PDE4B: variants seen among roughly 807,000 people sequenced by gnomAD.
PDE4B encodes the protein 3',5'-cyclic-AMP phosphodiesterase 4B.
Under a neutral mutation model 82.2 loss-of-function variants are expected in PDE4B, and 20 were observed. The observed-to-expected ratio is 0.24, with a 90% CI of 0.17 to 0.35. PDE4B has a LOEUF of 0.35. Ranked by LOEUF, PDE4B falls within the 10% of genes least tolerant of loss-of-function variation. The pLI is 1.00. For missense variants in PDE4B, 655 were observed against 907.2 expected (o/e 0.72, Z 3.57); for synonymous variants, 320 against 318.9 (o/e 1.00, Z -0.04).
In PDE4B at chr1:66,016,083, A is replaced by T. The variant is rs138994943; in HGVS notation, c.281+97248A>T. On this transcript the variant is annotated intron_variant, in intron 3 of 16. Coordinates refer to ENST00000341517, the MANE Select transcript of PDE4B (RefSeq NM_002600.4). The stretch of plus-strand genomic sequence containing the variant: ...TAATTATTGACTATGTGACCTTGGG[A>T]AAGTTATTAAACCTCTCTGTGTCTG... Among the ~76,000 whole-genome samples the T allele has an allele frequency of 1.5e-3, 227 of 152,268 alleles. 1 individual carries two copies. The highest frequency in any genetic ancestry group is 4.5e-3 in the African/African-American group (189 of 41,570).
At chr1:66,081,226 A>G (rs564316100) in intron 3 of PDE4B, among the ~76,000 whole-genome samples, 1 of 152,208 alleles carries the variant, frequency 6.6e-6, no homozygotes, top group African/African-American at 2.4e-5. Flanking sequence ...GGCATCTAAC[A>G]TTGGCATCAA....
intron 6 of PDE4B, among the ~76,000 whole-genome samples, chr1:66,260,265 A>G (rs1383412076): frequency 6.6e-6 from 1 of 152,248 alleles, no homozygotes; most frequent in Non-Finnish European, 1.5e-5. Flanking sequence ...CCAGTGGGCA[A>G]CAGAGTTTTC....
chr1:65,887,414 G>GTTTTTTTTTTTTT lies in PDE4B; in HGVS notation c.-70-25819_-70-25807dup, dbSNP rs34263724. ...TTTTCTTTCTTTTTCTTTTTCTTCT[G>GTTTTTTTTTTTTT]TTTTTTTTTTTTTTTTTTTTTTTTA... On this transcript the variant is annotated intron_variant, in intron 1 of 16. Transcript: ENST00000341517. Among the ~76,000 whole-genome samples, 55 of 7,734 alleles carry GTTTTTTTTTTTTT rather than the reference G, an allele frequency of 7.1e-3. 16 individuals carry two copies. The highest frequency in any genetic ancestry group is 0.012 in the Admixed American group (6 of 514). 5.1% of individuals were successfully genotyped at this position (7,734 alleles called of 152,430 possible). A position where few individuals can be genotyped will look rare whatever the true frequency, so the allele number is the denominator to read the frequency against.
chr1:65,884,364 G>C (rs377337237), intron 1 of PDE4B, among the ~76,000 whole-genome samples: 61 of 152,006 alleles, frequency 4.0e-4, no homozygotes, highest in Non-Finnish European at 7.8e-4. Context: ...AGGGATTCAA[G>C]TTCTTCCTGG....
intron 3 of PDE4B, among the ~76,000 whole-genome samples, chr1:66,093,387 A>G (rs900290056): frequency 6.6e-6 from 1 of 152,114 alleles, no homozygotes; most frequent in African/African-American, 2.4e-5. Context: ...ACTGAGAAAT[A>G]GAAAGTGTAA....
At chr1:66,294,703 A>G (rs558320044) in intron 7 of PDE4B, among the ~76,000 whole-genome samples, 1 of 152,078 alleles carries the variant, frequency 6.6e-6, no homozygotes, top group African/African-American at 2.4e-5. Context: ...TTATTAATTC[A>G]GTATGTTCCA....
chr1:65,925,530 C>T (rs1016080914), intron 3 of PDE4B, among the ~76,000 whole-genome samples: 1 of 152,060 alleles, frequency 6.6e-6, no homozygotes, highest in Non-Finnish European at 1.5e-5. Flanking sequence ...GAGCCCCTGC[C>T]CCATCACTAC....
At chr1:65,884,930 A>G (rs992914909) in intron 1 of PDE4B, among the ~76,000 whole-genome samples, 1 of 152,232 alleles carries the variant, frequency 6.6e-6, no homozygotes, top group Admixed American at 6.5e-5. Flanking sequence ...GGCAACCTAC[A>G]GAATGGGAGA....
intron 7 of PDE4B, among the ~76,000 whole-genome samples, chr1:66,325,437 C>A (rs1659683375): frequency 1.3e-5 from 2 of 152,304 alleles, no homozygotes; most frequent in South Asian, 4.1e-4. Flanking sequence ...ACCCACCCAG[C>A]AGCAGGCTTG....
intron 1 of PDE4B, among the ~76,000 whole-genome samples, chr1:65,796,305 G>C (rs746485708): frequency 2.0e-5 from 3 of 152,184 alleles, no homozygotes; most frequent in African/African-American, 7.2e-5. Flanking sequence ...AAACACAAAA[G>C]TGTTTCAGCC....
chr1:66,344,954 T>C (rs1661276524), intron 8 of PDE4B, among the ~76,000 whole-genome samples: 1 of 152,230 alleles, frequency 6.6e-6, no homozygotes, highest in Non-Finnish European at 1.5e-5. Flanking sequence ...AGCGTTATTC[T>C]CTTTGAGTTA....
intron 3 of PDE4B, among the ~76,000 whole-genome samples, chr1:65,929,727 G>A (rs1202179118): frequency 1.3e-5 from 2 of 152,108 alleles, no homozygotes; most frequent in African/African-American, 4.8e-5. Flanking sequence ...TATGGTCAAA[G>A]GTATTATGTA....
rs778367236 is a variant in PDE4B at position 65,913,295 on chromosome 1, G to T, written c.-20G>T. 1.8e-5 allele frequency: 29 copies of T among 1,608,186 alleles called. No individual in the cohort carries two copies. Among genetic ancestry groups the T allele is most frequent in the Non-Finnish European group, 2.4e-5 (28 of 1,174,876 alleles). ...ATTGAATAACAGACATCCTAAGAGG[G>T]GATATTTTCCACCTCTATAATGAAG... On this transcript the variant is annotated 5_prime_UTR_variant, in exon 2 of 17. Coordinates refer to ENST00000341517, the MANE Select transcript of PDE4B (RefSeq NM_002600.4).
intron 1 of PDE4B, among the ~76,000 whole-genome samples, chr1:65,821,886 A>G (rs946981176): frequency 1.3e-5 from 2 of 152,274 alleles, no homozygotes; most frequent in Admixed American, 6.5e-5. Flanking sequence ...ATTGAAAAGT[A>G]CAATATAAAA....
chr1:66,297,924 C>T (rs921419711), intron 7 of PDE4B, among the ~76,000 whole-genome samples: 3 of 152,140 alleles, frequency 2.0e-5, no homozygotes, highest in Non-Finnish European at 2.9e-5. Context: ...GCTTACCTTA[C>T]ATATGACTAG....
intron 3 of PDE4B, among the ~76,000 whole-genome samples, chr1:66,222,035 G>T (rs539813367): frequency 6.6e-6 from 1 of 152,272 alleles, no homozygotes; most frequent in East Asian, 1.9e-4. Flanking sequence ...GTCTGGTGTG[G>T]CTGGGTCATC....
At chr1:65,856,975 T>A (rs1173557742) in intron 1 of PDE4B, among the ~76,000 whole-genome samples, 7 of 152,202 alleles carry the variant, frequency 4.6e-5, no homozygotes, top group African/African-American at 1.7e-4. Context: ...ATCCTTGACT[T>A]CTGATCTTGT....
chr1:66,131,068 T>A (rs1570307702), intron 3 of PDE4B, among the ~76,000 whole-genome samples: 1 of 152,224 alleles, frequency 6.6e-6, no homozygotes, highest in Non-Finnish European at 1.5e-5. Context: ...ATGGCCCTTA[T>A]AAGGTTAGGC....
intron 7 of PDE4B, among the ~76,000 whole-genome samples, chr1:66,295,714 C>T (rs1458480605): frequency 2.0e-5 from 3 of 152,152 alleles, no homozygotes; most frequent in Non-Finnish European, 4.4e-5. Flanking sequence ...AGCCGCTGTG[C>T]CCGGCTCCCA....
Sources: allele counts gnomAD v4.1 joint callset (sites outside exome capture counted in the v4.1 genomes callset), GRCh38; gene constraint gnomAD v4.1.1; transcripts MANE v1.5; gene names NCBI Gene and HGNC (gene_info 2026-07-23, HGNC 2026-07-21).